ALOX15: variants seen among roughly 807,000 people sequenced by gnomAD.
ALOX15 encodes polyunsaturated fatty acid lipoxygenase ALOX15.
A neutral mutation model predicts 71.7 loss-of-function variants in ALOX15; 68 were observed. The observed-to-expected ratio is 0.95, with a 90% CI of 0.78 to 1.16. The LOEUF (loss-of-function observed/expected upper bound fraction) is 1.16, where lower values mean the gene tolerates loss of function less well. Ranked by LOEUF, ALOX15 falls within the 50% of genes most tolerant of loss-of-function variation. The pLI, the probability that ALOX15 is intolerant of heterozygous loss-of-function variation, is 0.00. For synonymous variants in ALOX15, 346 were observed against 333.3 expected, an observed-to-expected ratio of 1.04 and a Z score of -0.42; for missense variants, 798 against 818.8, an observed-to-expected ratio of 0.97 and a Z score of 0.31.
At chr17:4,633,587 C>T in intron 8 of ALOX15, 87 bp from the exon 9 acceptor site, 1 of 1,153,176 alleles carries the variant, frequency 8.7e-7, no homozygotes, top group Non-Finnish European at 1.3e-6. Flanking sequence ...AGGAAAGGCA[C>T]CAGGTCTTCA....
chr17:4,635,667 C>T, intron 8 of ALOX15, 92 bp downstream of exon 8: 1 of 1,240,124 alleles, frequency 8.1e-7, no homozygotes, highest in Non-Finnish European at 1.2e-6. Flanking sequence ...TCTCTGTACC[C>T]CGAGACCCCA....
intron 5 of ALOX15, 36 bp downstream of exon 5, chr17:4,638,544 TG>T: frequency 1.2e-6 from 2 of 1,600,384 alleles, no homozygotes; most frequent in Non-Finnish European, 1.7e-6. Flanking sequence ...GGGTGGGATC[TG>T]GGGGGTTGGG....
rs753381201 is a variant in ALOX15 at position 4,641,519 on chromosome 17, T to A, written c.133A>T (p.Lys45Ter). The A allele has an allele frequency of 6.2e-7, 1 of 1,612,728 alleles. No individual in the cohort carries two copies. Among genetic ancestry groups the A allele is most frequent in the East Asian group, 2.2e-5 (1 of 44,872 alleles). ...CCGCCCGGCTCTGGGGAGCTCACCT[T>A]GCCCCGTGCGGGCCACAGTCGCTTC... ...LGKRLWPARG[K>*]ETELKVEVPE... Residue 45 changes from lysine to a stop codon, truncating the protein, a stop_gained and splice_region_variant, in exon 1 of 14, where the codon AAG (lysine) becomes TAG (stop). Transcript: ENST00000293761. LOFTEE classifies it high-confidence loss of function.
chr17:4,631,938 G>C lies in ALOX15; in HGVS notation c.1760C>G (p.Ser587Cys). 1 of 1,614,118 alleles carries C rather than the reference G, an allele frequency of 6.2e-7. No individual in the cohort carries two copies. Among genetic ancestry groups the C allele is most frequent in the Non-Finnish European group, 8.5e-7 (1 of 1,180,022 alleles). ...MATLPNFHQASLQMSITWQLG... is the reference protein window; with the variant it reads ...MATLPNFHQACLQMSITWQLG... ...CTGCCAAGTGATGGACATCTGGAGA[G>C]AAGCCTGGTGGAAGTTGGGCAGTGT... The change falls in exon 13 of 14, where the codon TCT (serine) becomes TGT (cysteine). Residue 587 changes from serine (S) to cysteine (C), a missense_variant. Around this residue, in one of 3 missense-constraint regions of ALOX15, gnomAD observed 490 missense variants for 509.4 expected, o/e 0.96. Transcript: ENST00000293761.
At chr17:4,641,107 T>C (rs1316557139) in intron 1 of ALOX15, among the ~76,000 whole-genome samples, 1 of 150,986 alleles carries the variant, frequency 6.6e-6, no homozygotes, top group Non-Finnish European at 1.5e-5. Flanking sequence ...TCCCCATCCC[T>C]TCCCTCTCAC....
At position 4,635,953 on chromosome 17, in the gene ALOX15, T is replaced by G; in HGVS notation, c.967A>C (p.Thr323Pro). 1 of 1,613,752 alleles carries G rather than the reference T, an allele frequency of 6.2e-7. No individual in the cohort carries two copies. Residue 323 changes from threonine to proline, a missense_variant, in exon 8 of 14, where the codon ACA becomes CCA. Thr to Pro is a conservative substitution (Grantham distance 38). Around this residue, in one of 3 missense-constraint regions of ALOX15, gnomAD observed 490 missense variants for 509.4 expected, o/e 0.96. Transcript: ENST00000293761. Reference sequence around the variant, plus strand: ...AAAAGGGGAGGTGGTGGGGATCCTGTGCGGGGCAGCTGGAGCTGGAGCAGG... The same window carrying G: ...AAAAGGGGAGGTGGTGGGGATCCTGGGCGGGGCAGCTGGAGCTGGAGCAGG... ...PMVIQLQLPR[T>P]GSPPPPLFLP...
intron 12 of ALOX15, 49 bp downstream of exon 12, chr17:4,632,132 T>TCC (rs1205260536): frequency 1.9e-6 from 3 of 1,613,294 alleles, no homozygotes; most frequent in Non-Finnish European, 2.5e-6. Context: ...CACAGACCCC[T>TCC]CCCTCACTCC....
rs1452321565 is a variant in ALOX15 at position 4,638,899 on chromosome 17, G to A, written c.493C>T (p.Arg165Ter). The A allele has an allele frequency of 4.3e-6, 7 of 1,614,150 alleles. No homozygotes were observed. The highest frequency in any genetic ancestry group is 1.7e-5 in the Admixed American group (1 of 60,022). Residue 165 changes from arginine (R) to a stop codon, truncating the protein, a stop_gained, in exon 4 of 14, where the codon CGA becomes TGA. Transcript: ENST00000293761. LOFTEE classifies it high-confidence loss of function. ...AKLYDLPVDE[R>*]FLEDKRVDFE... ...TCAACTCTCTTGTCTTCCAGAAATCGCTCATCCACAGGGAGGTCATATAGT... is the reference window on the plus strand; with the variant it reads ...TCAACTCTCTTGTCTTCCAGAAATCACTCATCCACAGGGAGGTCATATAGT...
intron 8 of ALOX15, among the ~76,000 whole-genome samples, chr17:4,635,485 G>A (rs1911065228): frequency 6.6e-6 from 1 of 152,070 alleles, no homozygotes; most frequent in Non-Finnish European, 1.5e-5. Flanking sequence ...TTATTTCACG[G>A]GTTCCTCTTG....
chr17:4,640,186 A>G (rs1911269286), intron 1 of ALOX15, among the ~76,000 whole-genome samples: 1 of 130,170 alleles, frequency 7.7e-6, no homozygotes, highest in Non-Finnish European at 1.6e-5. Flanking sequence ...GTGGGGGGTC[A>G]GCAGGTCCGG....
Position 4,637,218 on chromosome 17 carries a change from C to T in ALOX15, c.848G>A (p.Gly283Glu). Residue 283 changes from glycine to glutamate, a missense_variant, in exon 7 of 14, where the codon GGG (glycine) becomes GAG (glutamate). Gly to Glu is a moderately conservative substitution (Grantham distance 98, BLOSUM62 -2). Around this residue, in one of 3 missense-constraint regions of ALOX15, gnomAD observed 490 missense variants for 509.4 expected, o/e 0.96. Coordinates refer to ENST00000293761, the MANE Select transcript of ALOX15 (RefSeq NM_001140.5). ...ACAGAGAATGACGTTGGCCTTGATC[C>T]CATCCAGCAGGGAGAAGTCAGCTTC... ...LFEADFSLLDGIKANVILCSQ... is the reference protein window; with the variant it reads ...LFEADFSLLDEIKANVILCSQ... The T allele has an allele frequency of 1.9e-6, 3 of 1,613,782 alleles. No individual in the cohort carries two copies. Among genetic ancestry groups the T allele is most frequent in the Non-Finnish European group, 2.5e-6 (3 of 1,179,788 alleles).
rs1910962649 is a variant in ALOX15 at position 4,632,898 on chromosome 17, C to A, written c.1503G>T (p.Glu501Asp). The A allele has an allele frequency of 6.2e-7, 1 of 1,614,006 alleles. No homozygotes were observed. The highest frequency in any genetic ancestry group is 1.1e-5 in the South Asian group (1 of 91,076). The change falls in exon 11 of 14, where the codon GAG becomes GAT. Residue 501 changes from glutamate to aspartate, a missense_variant. Coordinates refer to ENST00000293761, the MANE Select transcript of ALOX15 (RefSeq NM_001140.5). ...DDPELQTWCR[E>D]ITEIGLQGAQ... ...CCCCTTGCAGCCCGATTTCAGTGAT[C>A]TCTCGACACCAGGTCTGCAGCTCTG...
chr17:4,632,212 G>GT lies in ALOX15; in HGVS notation c.1609dup (p.Thr537AsnfsTer20), dbSNP rs766911588. On this transcript the variant is annotated frameshift_variant, in exon 12 of 14. Coordinates refer to ENST00000293761, the MANE Select transcript of ALOX15 (RefSeq NM_001140.5). LOFTEE classifies it high-confidence loss of function. ...CAGGTGCACAGAGGCGTGTTGGCCG[G>GT]TGCAGGTGAAGATACACATGGTGAC... 6.2e-7 allele frequency: 1 copy of GT among 1,614,108 alleles called. No individual in the cohort carries two copies. The highest frequency in any genetic ancestry group is 1.3e-5 in the African/African-American group (1 of 74,932).
At position 4,631,958 on chromosome 17, in the gene ALOX15, C is replaced by T. The variant is rs1229034495; in HGVS notation, c.1740G>A (p.Leu580=). ...DATLETVMAT[L]PNFHQASLQM... is the part of the protein sequence containing the mutation. ...GGAGAGAAGCCTGGTGGAAGTTGGG[C>T]AGTGTCGCCATCACTGTCTCCAGCG... The change falls in exon 13 of 14, where the codon CTG becomes CTA. Residue 580 remains leucine, a synonymous_variant. Transcript: ENST00000293761. 1 of 1,614,128 alleles carries T rather than the reference C, an allele frequency of 6.2e-7. No homozygotes were observed. Among genetic ancestry groups the T allele is most frequent in the South Asian group, 1.1e-5 (1 of 91,062 alleles).
At chr17:4,636,240 A>G (rs1037885734) in intron 7 of ALOX15, among the ~76,000 whole-genome samples, 4 of 151,842 alleles carry the variant, frequency 2.6e-5, no homozygotes, top group Non-Finnish European at 5.9e-5. Context: ...TTCAGTTCCC[A>G]CAGTGTGGAC....
intron 7 of ALOX15, 100 bp from the exon 8 acceptor site, chr17:4,636,068 C>T: frequency 7.8e-7 from 1 of 1,289,720 alleles, no homozygotes; most frequent in South Asian, 1.4e-5. Flanking sequence ...TCCTCCAAAC[C>T]TGTTCTGCTT....
intron 11 of ALOX15, 151 bp downstream of exon 11, chr17:4,632,710 C>CT (rs745667350): frequency 3.5e-4 from 461 of 1,300,018 alleles, no homozygotes; most frequent in Middle Eastern, 2.8e-3. Context: ...GGGGACCTGT[C>CT]TCTAGGTGAC....
chr17:4,632,014 G>C lies in ALOX15; in HGVS notation c.1684C>G (p.Arg562Gly). 1 of 1,613,528 alleles carries C rather than the reference G, an allele frequency of 6.2e-7. No homozygotes were observed. Among genetic ancestry groups the C allele is most frequent in the Non-Finnish European group, 8.5e-7 (1 of 1,179,872 alleles). ...TCCTTGGTGGTTGGCGGGGGCAGCC[G>C]CATCGTGCAGGGTGCATTAGGCACC... ...SWVPNAPCTM[R>G]LPPPTTKDAT... The change falls in exon 13 of 14, where the codon CGG becomes GGG. Residue 562 changes from arginine to glycine, a missense_variant. Arg to Gly is a moderately radical substitution (Grantham distance 125). This residue lies in a region of ALOX15 where 490 missense variants were observed against 509.4 expected (regional missense o/e 0.96). Transcript: ENST00000293761.
chr17:4,634,200 CATAAAA>C (rs1427369937), intron 8 of ALOX15, among the ~76,000 whole-genome samples: 2 of 152,194 alleles, frequency 1.3e-5, no homozygotes, highest in Non-Finnish European at 2.9e-5. Flanking sequence ...AAAATAAATA[CATAAAA>C]ATAAAACCAC....
Sources: gnomAD v4.1 joint callset for allele counts (sites outside exome capture counted in the v4.1 genomes callset) on GRCh38, gnomAD v4.1.1 for gene constraint, gnomAD v4.1.1 regional missense constraint, MANE v1.5 for transcripts, NCBI Gene and HGNC (gene_info 2026-07-23, HGNC 2026-07-21) for gene names.